The following OSBPL3 variants were observed in gnomAD, a reference collection of about 807,000 sequenced individuals.
The protein encoded by OSBPL3 is oxysterol-binding protein-related protein 3.
A neutral mutation model predicts 120.1 loss-of-function variants in OSBPL3; 65 were observed. The observed-to-expected ratio is 0.54, with a 90% CI of 0.44 to 0.67. The LOEUF (loss-of-function observed/expected upper bound fraction) is 0.67. OSBPL3 is among the 30% of genes least tolerant of loss of function. The probability of loss-of-function intolerance (pLI) is 0.00; values close to 1 mark genes in which losing one functional copy is unlikely to be tolerated. For missense variants in OSBPL3, 1,004 were observed against 1,082.1 expected (o/e 0.93, Z 1.01); for synonymous variants, 416 against 402.6 (o/e 1.03, Z -0.40).
intron 1 of OSBPL3, among the ~76,000 whole-genome samples, chr7:24,921,276 C>T (rs1810350877): frequency 6.6e-6 from 1 of 152,072 alleles, no homozygotes; most frequent in African/African-American, 2.4e-5. Flanking sequence ...CATATGTACA[C>T]CCATATTCAC....
At position 24,820,265 on chromosome 7, in the gene OSBPL3, A is replaced by G. The variant is rs1365599723; in HGVS notation, c.1885-27T>C. ...TGATGGAAACAAAGGACAGAAAAAC[A>G]AAAAATGAATGAACTTTTGTGTCTC... is the stretch of plus-strand genomic sequence containing the variant. On this transcript the variant is annotated intron_variant, in intron 16 of 22. Transcript: ENST00000313367. The surrounding 1 kb of genome is among the most constrained non-coding windows in gnomAD (Gnocchi z 4.6). 6.4e-7 allele frequency: 1 copy of G among 1,561,004 alleles called. No individual in the cohort carries two copies. The highest frequency in any genetic ancestry group is 8.8e-7 in the Non-Finnish European group (1 of 1,135,094).
At chr7:24,925,794 A>G (rs1477634212) in intron 1 of OSBPL3, among the ~76,000 whole-genome samples, 1 of 152,190 alleles carries the variant, frequency 6.6e-6, no homozygotes, top group Non-Finnish European at 1.5e-5. Context: ...TCTCCTTTAA[A>G]CCTCAATGTT....
At chr7:24,897,606 T>A (rs943158300) in intron 1 of OSBPL3, among the ~76,000 whole-genome samples, 11 of 152,206 alleles carry the variant, frequency 7.2e-5, no homozygotes, top group African/African-American at 2.7e-4. Flanking sequence ...ATTACAGGCG[T>A]GAGCCACCGC....
chr7:24,882,688 A>G (rs1390002500), intron 2 of OSBPL3, among the ~76,000 whole-genome samples: 1 of 152,226 alleles, frequency 6.6e-6, no homozygotes, highest in African/African-American at 2.4e-5. Context: ...ACTAATTTAC[A>G]TTCCCATTGA....
Position 24,807,496 on chromosome 7 carries a change from AAAT to A in OSBPL3, c.2318-597_2318-595del, listed in dbSNP as rs147177707. ...CGACAAGAGCGAAACTCCATCTCAAAAATAATAATAATAATAATAATAACAACA... is the reference window on the plus strand; with the variant it reads ...CGACAAGAGCGAAACTCCATCTCAAAAATAATAATAATAATAATAACAACA... On this transcript the variant is annotated intron_variant, in intron 20 of 22. Transcript: ENST00000313367. Among the ~76,000 whole-genome samples, 25 of 150,872 alleles carry A rather than the reference AAAT, an allele frequency of 1.7e-4. No individual in the cohort carries two copies. In the East Asian group the frequency reaches 3.3e-3, roughly 20 times the overall value.
chr7:24,815,214 G>A lies in OSBPL3; in HGVS notation c.2028-11C>T, dbSNP rs768223501. On this transcript the variant is annotated splice_polypyrimidine_tract_variant and intron_variant, in intron 18 of 22. Coordinates refer to ENST00000313367, the MANE Select transcript of OSBPL3 (RefSeq NM_015550.4). This position sits in a 1 kb window ranked among gnomAD's most constrained non-coding sequence, Gnocchi z 5.1. ...AAATGATCCCCAAAACTAAAAAGAA[G>A]GAAAAAGTAGAAGTACCAATTTCTA... The A allele has an allele frequency of 6.2e-7, 1 of 1,607,528 alleles. No individual in the cohort carries two copies. The highest frequency in any genetic ancestry group is 1.1e-5 in the South Asian group (1 of 89,224).
intron 2 of OSBPL3, among the ~76,000 whole-genome samples, chr7:24,885,201 AAC>A (rs1446960212): frequency 2.0e-5 from 3 of 150,464 alleles, no homozygotes; most frequent in African/African-American, 7.4e-5. Flanking sequence ...CAGCCTGGGC[AAC>A]AGAGTGAGAC....
rs1349904267 is a variant in OSBPL3 at position 24,867,249 on chromosome 7, T to C, written c.382-1012A>G. On this transcript the variant is annotated intron_variant, in intron 5 of 22. Coordinates refer to ENST00000313367, the MANE Select transcript of OSBPL3 (RefSeq NM_015550.4). This position sits in a 1 kb window ranked among gnomAD's most constrained non-coding sequence, Gnocchi z 4.5. ...ACTGAAAATATTAGCACCATTTTTC[T>C]TTTTAAACTCTTTTATAATTCAGAC... Among the ~76,000 whole-genome samples, 1 of 152,256 alleles carries C rather than the reference T, an allele frequency of 6.6e-6. No individual in the cohort carries two copies. The highest frequency in any genetic ancestry group is 2.4e-5 in the African/African-American group (1 of 41,474).
intron 1 of OSBPL3, among the ~76,000 whole-genome samples, chr7:24,970,754 T>C (rs902730655): frequency 2.6e-5 from 4 of 152,170 alleles, no homozygotes; most frequent in African/African-American, 7.2e-5. Flanking sequence ...AACGAAAATG[T>C]CTGGGGCTTA....
rs928688792 is a variant in OSBPL3, at chr7:24,852,618, C to T, written c.1044G>A (p.Arg348=). ...HIAHKVYFTL[R]SAFNIMSAER... ...CCGCTGACATGATATTAAAAGCTGA[C>T]CTTAAAGTGAAGTAAACTATAGAGA... is the stretch of plus-strand genomic sequence containing the variant. Residue 348 remains arginine, a synonymous_variant, in exon 11 of 23, where the codon AGG becomes AGA. Transcript: ENST00000313367. This position sits in a 1 kb window ranked among gnomAD's most constrained non-coding sequence, Gnocchi z 4.1. 6.3e-7 allele frequency: 1 copy of T among 1,593,740 alleles called. No individual in the cohort carries two copies.
chr7:24,873,404 A>G lies in OSBPL3; in HGVS notation c.97-1335T>C, dbSNP rs1425074728. 6.6e-6 allele frequency among the ~76,000 whole-genome samples: 1 copy of G among 152,194 alleles called. No individual in the cohort carries two copies. The highest frequency in any genetic ancestry group is 2.4e-5 in the African/African-American group (1 of 41,452). On this transcript the variant is annotated intron_variant, in intron 2 of 22. Transcript: ENST00000313367. This position sits in a 1 kb window ranked among gnomAD's most constrained non-coding sequence, Gnocchi z 4.1. ...AACCCTTTCCTACGTTAGCAACTGA[A>G]TTCTTTACATAATGATCGTGATGGG...
intron 2 of OSBPL3, among the ~76,000 whole-genome samples, chr7:24,874,318 C>T (rs1009754556): frequency 6.6e-5 from 10 of 151,932 alleles, no homozygotes; most frequent in Admixed American, 1.3e-4. Context: ...TGGATCAAGC[C>T]CTTTTGATTT....
rs1310938983 is a variant in OSBPL3, at chr7:24,922,207, A to G, written c.-149-29586T>C. ...ATTTAGGTGAGAAACAGAAAATAGAAGGTTAACAAATACAAACTACAAGCA... is the reference window on the plus strand; with the variant it reads ...ATTTAGGTGAGAAACAGAAAATAGAGGGTTAACAAATACAAACTACAAGCA... On this transcript the variant is annotated intron_variant, in intron 1 of 22. Coordinates refer to ENST00000313367, the MANE Select transcript of OSBPL3 (RefSeq NM_015550.4). This position sits in a 1 kb window ranked among gnomAD's most constrained non-coding sequence, Gnocchi z 4.3. Among the ~76,000 whole-genome samples, 1 of 152,246 alleles carries G rather than the reference A, an allele frequency of 6.6e-6. No homozygotes were observed. The highest frequency in any genetic ancestry group is 2.4e-5 in the African/African-American group (1 of 41,462).
At chr7:24,978,149 C>T (rs1481177665) in intron 1 of OSBPL3, among the ~76,000 whole-genome samples, 1 of 152,234 alleles carries the variant, frequency 6.6e-6, no homozygotes, top group Non-Finnish European at 1.5e-5. Context: ...CTCAATTTCC[C>T]ATCTGGTTAA....
intron 12 of OSBPL3, among the ~76,000 whole-genome samples, chr7:24,844,397 A>T (rs1798147193): frequency 6.6e-6 from 1 of 151,282 alleles, no homozygotes; most frequent in Admixed American, 6.6e-5. Context: ...TTTCTGGCTC[A>T]TCAGCTATCA....
intron 1 of OSBPL3, chr7:24,906,413 A>T: frequency 4.0e-6 from 1 of 249,244 alleles, no homozygotes. Context: ...GAGTAGGAGG[A>T]ACCTTTCCTT....
Position 24,834,421 on chromosome 7 carries a change from C to A in OSBPL3, c.1746+65G>T, listed in dbSNP as rs1467787254. On this transcript the variant is annotated intron_variant, in intron 15 of 22. Coordinates refer to ENST00000313367, the MANE Select transcript of OSBPL3 (RefSeq NM_015550.4). The surrounding 1 kb of genome is among the most constrained non-coding windows in gnomAD (Gnocchi z 5.2). ...ACAGGGGCTGTCTCTCTGATGGGCC[C>A]CGTGAATGGCCTCGTGGCTTGGGGA... The A allele has an allele frequency of 1.3e-6, 2 of 1,557,514 alleles. No individual in the cohort carries two copies. Among genetic ancestry groups the A allele is most frequent in the Non-Finnish European group, 8.7e-7 (1 of 1,152,638 alleles).
intron 2 of OSBPL3, among the ~76,000 whole-genome samples, chr7:24,878,353 G>C (rs1053917408): frequency 6.6e-6 from 1 of 152,162 alleles, no homozygotes; most frequent in Non-Finnish European, 1.5e-5. Context: ...GTTGGAAAAC[G>C]GGTGTCCTGA....
intron 16 of OSBPL3, among the ~76,000 whole-genome samples, chr7:24,829,304 T>C (rs1467313140): frequency 6.6e-6 from 1 of 152,212 alleles, no homozygotes; most frequent in Non-Finnish European, 1.5e-5. Flanking sequence ...CTTATCCCCT[T>C]TAACTACTGA....
Sources: allele counts gnomAD v4.1 joint callset (sites outside exome capture counted in the v4.1 genomes callset), GRCh38; gene constraint gnomAD v4.1.1; non-coding constraint Gnocchi (gnomAD v3.1); transcripts MANE v1.5; gene names NCBI Gene and HGNC (gene_info 2026-07-23, HGNC 2026-07-21).